Variants in RYR2 observed in about 807,000 individuals in gnomAD.
RYR2 encodes cardiac muscle ryanodine receptor-calcium release channel.
RYR2 carries 227 observed loss-of-function variants against 601.1 expected under a neutral mutation model. The observed-to-expected ratio is 0.38, with a 90% CI of 0.34 to 0.42. RYR2 has a LOEUF of 0.42. RYR2 is among the 10% of genes least tolerant of loss of function. The probability of loss-of-function intolerance (pLI) is 1.00; values close to 1 mark genes in which losing one functional copy is unlikely to be tolerated. For missense variants in RYR2, 4,646 were observed against 6,156.5 expected, an observed-to-expected ratio of 0.75 and a Z score of 8.21; for synonymous variants, 2,223 against 2,175.1, an observed-to-expected ratio of 1.02 and a Z score of -0.61.
intron 2 of RYR2, among the ~76,000 whole-genome samples, chr1:237,273,252 T>C (rs1392060698): frequency 1.3e-4 from 20 of 152,148 alleles, no homozygotes; most frequent in Non-Finnish European, 1.5e-5. Flanking sequence ...GCATGTGCAG[T>C]TCACAATAGG....
chr1:237,084,283 T>A (rs758605962), intron 1 of RYR2, among the ~76,000 whole-genome samples: 2 of 152,196 alleles, frequency 1.3e-5, no homozygotes, highest in Admixed American at 6.5e-5. Context: ...TCCACTTTCA[T>A]CCATGCATCT....
At position 237,493,157 on chromosome 1, in the gene RYR2, T is replaced by G; in HGVS notation, c.1961+70T>G. On this transcript the variant is annotated intron_variant, in intron 19 of 104. Transcript: ENST00000366574. The stretch of plus-strand genomic sequence containing the variant: ...AGAATTAATGTTCTTGCCCTGTAGC[T>G]GATACTATATGGTCTGTTTTTTAAA... The G allele has an allele frequency of 4.5e-6, 7 of 1,539,470 alleles. No homozygotes were observed. In the South Asian group the frequency reaches 8.0e-5, roughly 18 times the overall value.
At position 237,678,131 on chromosome 1, in the gene RYR2, C is replaced by G; in HGVS notation, c.8895+19C>G. 7.0e-7 allele frequency: 1 copy of G among 1,421,146 alleles called. No homozygotes were observed. The highest frequency in any genetic ancestry group is 9.9e-7 in the Non-Finnish European group (1 of 1,011,320). 88.0% of individuals were successfully genotyped at this position (1,421,146 alleles called of 1,614,324 possible). ...TGCAAAAGTACAGTATACAATCTAT[C>G]TTGTTTTTGCTTCAATATGTTTGTT... On this transcript the variant is annotated intron_variant, in intron 61 of 104. Coordinates refer to ENST00000366574, the MANE Select transcript of RYR2 (RefSeq NM_001035.3).
chr1:237,512,047 T>C (rs1159094971), intron 24 of RYR2, among the ~76,000 whole-genome samples: 3 of 152,130 alleles, frequency 2.0e-5, no homozygotes, highest in African/African-American at 7.2e-5. Flanking sequence ...ATGGGTATTA[T>C]GGATGATGAG....
chr1:237,371,709 A>G (rs560824693), intron 6 of RYR2, among the ~76,000 whole-genome samples: 2 of 152,350 alleles, frequency 1.3e-5, no homozygotes, highest in South Asian at 4.1e-4. Flanking sequence ...ATGGAATACT[A>G]TGCAGCCATG....
intron 20 of RYR2, 110 bp from the exon 21 acceptor site, chr1:237,500,601 G>T: frequency 1.2e-6 from 1 of 806,024 alleles, no homozygotes; most frequent in Non-Finnish European, 2.0e-6. Flanking sequence ...TCCTTCTGAT[G>T]TTGTGCATTG....
intron 10 of RYR2, among the ~76,000 whole-genome samples, chr1:237,406,900 A>G (rs1221140070): frequency 2.6e-5 from 4 of 152,216 alleles, no homozygotes; most frequent in Admixed American, 6.6e-5. Flanking sequence ...AGTGTTGTAC[A>G]TTCTATAGAC....
chr1:237,469,998 C>A (rs1660528526), intron 17 of RYR2, among the ~76,000 whole-genome samples: 1 of 152,168 alleles, frequency 6.6e-6, no homozygotes, highest in African/African-American at 2.4e-5. Flanking sequence ...CATAATTGAC[C>A]TCTCTAGTGC....
At chr1:237,082,184 A>G (rs1351047085) in intron 1 of RYR2, among the ~76,000 whole-genome samples, 2 of 152,118 alleles carry the variant, frequency 1.3e-5, no homozygotes, top group Non-Finnish European at 2.9e-5. Flanking sequence ...CGTTCATGTT[A>G]TATTAACTTA....
intron 1 of RYR2, among the ~76,000 whole-genome samples, chr1:237,262,874 T>G (rs1439500119): frequency 6.6e-6 from 1 of 152,064 alleles, no homozygotes; most frequent in Non-Finnish European, 1.5e-5. Flanking sequence ...AGTAAGAGTT[T>G]AGGGAAAATA....
At chr1:237,212,487 T>C (rs79257338) in intron 1 of RYR2, among the ~76,000 whole-genome samples, 2,994 of 152,232 alleles carry the variant, frequency 0.02, 59 homozygotes, top group South Asian at 0.083. Flanking sequence ...GCTTGGTGGC[T>C]CCAGCTACTT....
chr1:237,244,685 C>G (rs632275), intron 1 of RYR2, among the ~76,000 whole-genome samples: 37,765 of 152,000 alleles, frequency 0.25, 4,760 homozygotes, highest in East Asian at 0.29. Context: ...AGAGGGAGCT[C>G]TTTTCCTTTC....
chr1:237,361,360 C>G (rs948974195), intron 4 of RYR2, among the ~76,000 whole-genome samples: 11 of 152,090 alleles, frequency 7.2e-5, no homozygotes, highest in Admixed American at 3.9e-4. Flanking sequence ...GATATTTCCT[C>G]ACAAAGGAGA....
intron 1 of RYR2, among the ~76,000 whole-genome samples, chr1:237,126,011 CG>C: frequency 6.6e-6 from 1 of 152,220 alleles, no homozygotes; most frequent in Non-Finnish European, 1.5e-5. Context: ...CCGAGGCGGG[CG>C]GATCACCTGA....
intron 2 of RYR2, among the ~76,000 whole-genome samples, chr1:237,280,781 G>GTTTTTTTTTTTTTT (rs35115328): frequency 7.0e-6 from 1 of 143,670 alleles, no homozygotes. Flanking sequence ...CTTCTTACTG[G>GTTTTTTTTTTTTTT]TTTTTTTTTT....
chr1:237,477,546 G>A (rs139066442), intron 17 of RYR2, among the ~76,000 whole-genome samples: 4 of 152,172 alleles, frequency 2.6e-5, no homozygotes, highest in African/African-American at 9.7e-5. Flanking sequence ...CTGACAGATG[G>A]CTATTTATTA....
At chr1:237,125,423 T>TA (rs35773659) in intron 1 of RYR2, among the ~76,000 whole-genome samples, 16,869 of 130,056 alleles carry the variant, frequency 0.13, 1,230 homozygotes, top group African/African-American at 0.23. Context: ...GCTGTTTTGC[T>TA]AAAAAAAAAA....
chr1:237,830,682 C>T, intron 103 of RYR2, 52 bp downstream of exon 103: 2 of 841,554 alleles, frequency 2.4e-6, no homozygotes, highest in Non-Finnish European at 4.0e-6. Context: ...CGCCACTGGT[C>T]CCTGCCCATC....
Position 237,590,904 on chromosome 1 carries a change from C to T in RYR2, c.4072C>T (p.Arg1358Cys), listed in dbSNP as rs771593145. ...KTAHGHLVPD[R>C]VDKDKEATKP... The stretch of plus-strand genomic sequence containing the variant: ...AGCTCATGGCCATCTAGTGCCCGAT[C>T]GTGTTGACAAAGACAAAGAAGCTAC... Residue 1358 changes from arginine (R) to cysteine (C), a missense_variant, in exon 31 of 105, where the codon CGT becomes TGT. Arg to Cys is a radical substitution (Grantham distance 180). Transcript: ENST00000366574. The T allele has an allele frequency of 3.1e-6, 5 of 1,613,760 alleles. No individual in the cohort carries two copies. Among genetic ancestry groups the T allele is most frequent in the South Asian group, 1.1e-5 (1 of 91,058 alleles).
Sources: gnomAD v4.1 joint callset for allele counts (sites outside exome capture counted in the v4.1 genomes callset) on GRCh38, gnomAD v4.1.1 for gene constraint, MANE v1.5 for transcripts, NCBI Gene and HGNC (gene_info 2026-07-23, HGNC 2026-07-21) for gene names.